The following AUTS2 variants were observed in gnomAD, a reference collection of about 807,000 sequenced individuals.
AUTS2 encodes the protein autism susceptibility gene 2 protein.
AUTS2 carries 17 observed loss-of-function variants against 112.4 expected under a neutral mutation model. The observed-to-expected ratio is 0.15, with a 90% confidence interval of 0.10 to 0.23. The LOEUF (loss-of-function observed/expected upper bound fraction) is 0.23. Ranked by LOEUF, AUTS2 falls within the 10% of genes least tolerant of loss-of-function variation. AUTS2 has a pLI of 1.00. For missense variants in AUTS2, 1,510 were observed against 1,701.6 expected, an observed-to-expected ratio of 0.89 and a Z score of 1.98; for synonymous variants, 751 against 702.7, an observed-to-expected ratio of 1.07 and a Z score of -1.09.
intron 1 of AUTS2, among the ~76,000 whole-genome samples, chr7:69,813,084 G>A (rs1790613155): frequency 6.6e-6 from 1 of 152,150 alleles, no homozygotes; most frequent in Non-Finnish European, 1.5e-5. Context: ...ACGGTCTAGT[G>A]CCTGCTATCT....
At chr7:70,356,583 G>C (rs939612055) in intron 4 of AUTS2, among the ~76,000 whole-genome samples, 5 of 152,120 alleles carry the variant, frequency 3.3e-5, no homozygotes, top group Non-Finnish European at 5.9e-5. Context: ...GTGTTGTGAG[G>C]GGGTTACTTA....
intron 1 of AUTS2, among the ~76,000 whole-genome samples, chr7:69,695,675 A>C (rs1043879362): frequency 4.6e-5 from 7 of 152,156 alleles, no homozygotes; most frequent in African/African-American, 1.7e-4. Flanking sequence ...TGTTGTTTAT[A>C]ATATTTTGCT....
Position 70,790,944 on chromosome 7 carries a change from A to AGAT in AUTS2, c.3729_3731dup (p.Glu1243_Ile1244insMet). On this transcript the variant is annotated inframe_insertion, in exon 19 of 19. Coordinates refer to ENST00000342771, the MANE Select transcript of AUTS2 (RefSeq NM_015570.4). The surrounding 1 kb of genome is among the most constrained non-coding windows in gnomAD (Gnocchi z 7.6). ...AGAAGGACGACTCCTCTGTCCGCAG[A>AGAT]GATAAGGGAGAGGCCCCCTTCCCAC... 6.6e-7 allele frequency: 1 copy of AGAT among 1,519,364 alleles called. No individual in the cohort carries two copies. The highest frequency in any genetic ancestry group is 1.4e-5 in the African/African-American group (1 of 71,964). 94.1% of individuals were successfully genotyped at this position (1,519,364 alleles called of 1,614,324 possible). A position where few individuals can be genotyped will look rare whatever the true frequency, so the allele number is the denominator to read the frequency against.
chr7:70,250,125 C>T (rs1786518119), intron 4 of AUTS2, among the ~76,000 whole-genome samples: 1 of 151,954 alleles, frequency 6.6e-6, no homozygotes, highest in Admixed American at 6.6e-5. Flanking sequence ...CTTTGAATAG[C>T]TGTGAATCTT....
intron 3 of AUTS2, among the ~76,000 whole-genome samples, chr7:70,133,969 C>G (rs996664599): frequency 3.3e-5 from 5 of 152,118 alleles, no homozygotes; most frequent in African/African-American, 9.7e-5. Context: ...GCATTTTAGT[C>G]TACTAATTAC....
chr7:69,843,818 G>A (rs1270538502), intron 1 of AUTS2, among the ~76,000 whole-genome samples: 1 of 152,144 alleles, frequency 6.6e-6, no homozygotes, highest in African/African-American at 2.4e-5. Context: ...AGAGGAAACT[G>A]AGATTCAGAG....
At chr7:69,606,552 G>A (rs1792728315) in intron 1 of AUTS2, among the ~76,000 whole-genome samples, 1 of 152,072 alleles carries the variant, frequency 6.6e-6, no homozygotes, top group Non-Finnish European at 1.5e-5. Flanking sequence ...CTTTGTAAAA[G>A]TGTTTCATGC....
intron 4 of AUTS2, among the ~76,000 whole-genome samples, chr7:70,336,382 G>A (rs1477284477): frequency 6.6e-6 from 1 of 152,118 alleles, no homozygotes; most frequent in Non-Finnish European, 1.5e-5. Context: ...GTAAGTGTGT[G>A]TTAAATGATT....
intron 4 of AUTS2, among the ~76,000 whole-genome samples, chr7:70,142,767 C>A (rs1041377050): frequency 6.6e-6 from 1 of 152,124 alleles, no homozygotes; most frequent in African/African-American, 2.4e-5. Flanking sequence ...CCATGGAATT[C>A]TGAAAATAAT....
At chr7:70,236,525 A>C (rs1361736460) in intron 4 of AUTS2, among the ~76,000 whole-genome samples, 1 of 152,202 alleles carries the variant, frequency 6.6e-6, no homozygotes, top group Non-Finnish European at 1.5e-5. Context: ...TATAATGTTC[A>C]TGGTCTTCAT....
At chr7:70,616,659 C>T (rs1030862307) in intron 5 of AUTS2, among the ~76,000 whole-genome samples, 20 of 151,924 alleles carry the variant, frequency 1.3e-4, no homozygotes, top group African/African-American at 4.1e-4. Context: ...AGGGAATGAA[C>T]GAGTGGTCAG....
intron 5 of AUTS2, among the ~76,000 whole-genome samples, chr7:70,512,814 T>C (rs1409713198): frequency 2.0e-5 from 3 of 151,218 alleles, no homozygotes; most frequent in African/African-American, 7.3e-5. Flanking sequence ...TTTCCTCTTG[T>C]TTCTTCCCAA....
chr7:69,605,246 CA>C (rs755606280), intron 1 of AUTS2, among the ~76,000 whole-genome samples: 2 of 152,226 alleles, frequency 1.3e-5, no homozygotes, highest in East Asian at 3.9e-4. Context: ...CTTGGAAAAC[CA>C]GGCACAGAAG....
At chr7:70,622,045 G>GC (rs781050191) in intron 5 of AUTS2, among the ~76,000 whole-genome samples, 51 of 151,574 alleles carry the variant, frequency 3.4e-4, no homozygotes, top group Non-Finnish European at 6.2e-4. Context: ...ACCCTGTTGG[G>GC]CACGGTGCTC....
At position 70,766,060 on chromosome 7, in the gene AUTS2, G is replaced by C; in HGVS notation, c.1469-54G>C. On this transcript the variant is annotated intron_variant, in intron 8 of 18. Transcript: ENST00000342771. The surrounding 1 kb of genome is among the most constrained non-coding windows in gnomAD (Gnocchi z 4.8). ...GTACCCCTCCACAGGAAGGCAGTCC[G>C]ATGTCCTTTTCTGAAGGAAAAGGCG... 2.5e-6 allele frequency: 4 copies of C among 1,582,776 alleles called. No individual in the cohort carries two copies. Among genetic ancestry groups the C allele is most frequent in the Non-Finnish European group, 3.4e-6 (4 of 1,161,062 alleles).
chr7:69,693,686 C>G (rs1797440397), intron 1 of AUTS2, among the ~76,000 whole-genome samples: 1 of 152,200 alleles, frequency 6.6e-6, no homozygotes, highest in Admixed American at 6.5e-5. Flanking sequence ...GTCTCTCTCT[C>G]TCTCTCCCAC....
intron 6 of AUTS2, among the ~76,000 whole-genome samples, chr7:70,759,856 ATAAG>A (rs1789447348): frequency 6.6e-6 from 1 of 152,188 alleles, no homozygotes; most frequent in Admixed American, 6.5e-5. Flanking sequence ...CCTTACCAGC[ATAAG>A]TAAGTGTGAA....
intron 2 of AUTS2, among the ~76,000 whole-genome samples, chr7:70,117,113 T>TTGG (rs1368656624): frequency 4.0e-5 from 4 of 100,318 alleles, no homozygotes; most frequent in African/African-American, 1.5e-4. Context: ...TGTTTTTTTT[T>TTGG]TTTGTTTTTT....
At chr7:70,210,981 G>C (rs574611473) in intron 4 of AUTS2, among the ~76,000 whole-genome samples, 1 of 152,290 alleles carries the variant, frequency 6.6e-6, no homozygotes, top group African/African-American at 2.4e-5. Context: ...GTGGCATTGG[G>C]AGGAAGGGTA....
Sources: gnomAD v4.1 joint callset for allele counts (sites outside exome capture counted in the v4.1 genomes callset) on GRCh38, gnomAD v4.1.1 for gene constraint, Gnocchi (gnomAD v3.1) non-coding constraint, MANE v1.5 for transcripts, NCBI Gene and HGNC (gene_info 2026-07-23, HGNC 2026-07-21) for gene names.